The following LGALS3 variants were observed in gnomAD, a reference collection of about 807,000 sequenced individuals.
LGALS3 encodes galectin 3.
In LGALS3, 18 loss-of-function variants were observed where a neutral mutation model predicts 20.7. The ratio of observed to expected loss-of-function variants is 0.87; its 90% CI spans 0.60 to 1.29. The LOEUF (loss-of-function observed/expected upper bound fraction) is 1.29. LGALS3 is among the 50% of genes most tolerant of loss of function. The pLI, the probability that LGALS3 is intolerant of heterozygous loss-of-function variation, is 0.00. For synonymous variants in LGALS3, 112 were observed against 119.6 expected (o/e 0.94, Z 0.42); for missense variants, 315 against 314.7 (o/e 1.00, Z -0.01).
In LGALS3 at chr14:55,138,699, G is replaced by A. The variant is rs535779286; in HGVS notation, c.342+331G>A. ...TAATCTCATTTAACCCCATTACCAC[G>A]CTATAAGATACTGTTAATAACCCCA... On this transcript the variant is annotated intron_variant, in intron 3 of 5. Transcript: ENST00000254301. 1.5e-3 allele frequency among the ~76,000 whole-genome samples: 232 copies of A among 152,246 alleles called. 1 individual carries two copies. Among genetic ancestry groups the A allele is most frequent in the African/African-American group, 5.4e-3 (223 of 41,552 alleles).
chr14:55,144,982 ATTTT>A (rs926261195), intron 5 of LGALS3, 130 bp from the exon 6 acceptor site: 519 of 700,530 alleles, frequency 7.4e-4, no homozygotes, highest in Middle Eastern at 2.1e-3. Flanking sequence ...ATTAATGGAC[ATTTT>A]TTCCCTTTAT....
At position 55,129,684 on chromosome 14, in the gene LGALS3, C is replaced by A. The variant is rs1370124180; in HGVS notation, c.-5+384C>A. On this transcript the variant is annotated intron_variant, in intron 1 of 5. Coordinates refer to ENST00000254301, the MANE Select transcript of LGALS3 (RefSeq NM_002306.4). The surrounding 1 kb of genome is among the most constrained non-coding windows in gnomAD (Gnocchi z 5.3). ...CCGGTGACGAGCCGCAGTCTGGTCA[C>A]CCCAGTCCCACCAGGTCCCGCTGCG... Among the ~76,000 whole-genome samples the A allele has an allele frequency of 6.6e-6, 1 of 152,208 alleles. No homozygotes were observed. Among genetic ancestry groups the A allele is most frequent in the Non-Finnish European group, 1.5e-5 (1 of 68,032 alleles).
At position 55,134,078 on chromosome 14, in the gene LGALS3, T is replaced by C. The variant is rs190951264; in HGVS notation, c.-4-3292T>C. ...AATGTCTGAAGACATTTTGTTTTCCTTTTTTTGGTAGAGACTGGGGTTTTG... is the reference window on the plus strand; with the variant it reads ...AATGTCTGAAGACATTTTGTTTTCCCTTTTTTGGTAGAGACTGGGGTTTTG... On this transcript the variant is annotated intron_variant, in intron 1 of 5. Transcript: ENST00000254301. Among the ~76,000 whole-genome samples, 95 of 152,276 alleles carry C rather than the reference T, an allele frequency of 6.2e-4. 1 individual carries two copies. Among genetic ancestry groups the C allele is most frequent in the Middle Eastern group, 6.8e-3 (2 of 294 alleles).
chr14:55,142,716 G>T lies in LGALS3; in HGVS notation c.564G>T (p.Ser188=). The change falls in exon 5 of 6, where the codon TCG becomes TCT. Residue 188 remains serine, a synonymous_variant. Transcript: ENST00000254301. The part of the protein sequence containing the change: ...DNNWGREERQ[S]VFPFESGKPF... ...ACTGGGGAAGGGAAGAAAGACAGTC[G>T]GTTTTCCCATTTGAAAGTGGGAAAC... The T allele has an allele frequency of 8.1e-6, 13 of 1,613,460 alleles. No individual in the cohort carries two copies. Among genetic ancestry groups the T allele is most frequent in the Non-Finnish European group, 1.1e-5 (13 of 1,179,564 alleles).
chr14:55,130,229 G>A (rs1350795896), intron 1 of LGALS3, among the ~76,000 whole-genome samples: 1 of 152,200 alleles, frequency 6.6e-6, no homozygotes, highest in African/African-American at 2.4e-5. Context: ...ACACTAAAAC[G>A]ATTGCCCTCT....
chr14:55,140,388 C>T, intron 4 of LGALS3, 25 bp downstream of exon 4: 3 of 1,469,964 alleles, frequency 2.0e-6, no homozygotes, highest in Non-Finnish European at 2.8e-6. Context: ...ATTAACAAGT[C>T]TACTCTATTT....
At position 55,129,667 on chromosome 14, in the gene LGALS3, G is replaced by C. The variant is rs1055174088; in HGVS notation, c.-5+367G>C. Among the ~76,000 whole-genome samples the C allele has an allele frequency of 6.6e-6, 1 of 152,202 alleles. No individual in the cohort carries two copies. Among genetic ancestry groups the C allele is most frequent in the Non-Finnish European group, 1.5e-5 (1 of 68,030 alleles). On this transcript the variant is annotated intron_variant, in intron 1 of 5. Coordinates refer to ENST00000254301, the MANE Select transcript of LGALS3 (RefSeq NM_002306.4). This position sits in a 1 kb window ranked among gnomAD's most constrained non-coding sequence, Gnocchi z 5.3. The stretch of plus-strand genomic sequence containing the variant: ...CCCAGAGTAAGCCCCATCCGGTGAC[G>C]AGCCGCAGTCTGGTCACCCCAGTCC...
chr14:55,143,173 T>C (rs1026241482), intron 5 of LGALS3, among the ~76,000 whole-genome samples: 4 of 152,226 alleles, frequency 2.6e-5, no homozygotes, highest in Admixed American at 2.6e-4. Context: ...CAAAGTTTCC[T>C]ATCTTTTACT....
intron 1 of LGALS3, among the ~76,000 whole-genome samples, chr14:55,135,154 TA>T (rs879803763): frequency 1.5e-3 from 212 of 141,234 alleles, no homozygotes; most frequent in Admixed American, 1.6e-3. Flanking sequence ...AGACCCTGTC[TA>T]AAAAAAAAAA....
At chr14:55,136,531 T>TA (rs1477315830) in intron 1 of LGALS3, among the ~76,000 whole-genome samples, 1 of 152,160 alleles carries the variant, frequency 6.6e-6, no homozygotes, top group Non-Finnish European at 1.5e-5. Context: ...TTTTAATTCT[T>TA]AATCTTTATG....
Position 55,140,324 on chromosome 14 carries a change from TGA to T in LGALS3, c.393_394del (p.Ile132AsnfsTer22). 1.2e-6 allele frequency: 2 copies of T among 1,613,778 alleles called. No individual in the cohort carries two copies. The highest frequency in any genetic ancestry group is 1.7e-6 in the Non-Finnish European group (2 of 1,179,808). ...CCTGGGGGAGTGGTGCCTCGCATGC[TGA>T]TAACAATTCTGGGCACGGTGAAGCC... On this transcript the variant is annotated frameshift_variant, in exon 4 of 6. Coordinates refer to ENST00000254301, the MANE Select transcript of LGALS3 (RefSeq NM_002306.4). LOFTEE classifies it high-confidence loss of function.
chr14:55,144,651 C>T (rs1881750711), intron 5 of LGALS3, among the ~76,000 whole-genome samples: 1 of 152,212 alleles, frequency 6.6e-6, no homozygotes, highest in Admixed American at 6.5e-5. Flanking sequence ...TCAAGCTCCG[C>T]CTCCTGGGTT....
At position 55,137,391 on chromosome 14, in the gene LGALS3, GGTAA is replaced by G. The variant is rs745877914; in HGVS notation, c.18+3_18+6del. 114 of 1,613,984 alleles carry G rather than the reference GGTAA, an allele frequency of 7.1e-5. No homozygotes were observed. The highest frequency in any genetic ancestry group is 2.5e-4 in the Admixed American group (15 of 60,000). The stretch of plus-strand genomic sequence containing the variant: ...TCAGGAAAATGGCAGACAATTTTTC[GGTAA>G]GTGTTTTATGCCTGTTTCTTCCCCT... On this transcript the variant is annotated splice_donor_variant and splice_donor_region_variant and intron_variant, in intron 2 of 5. Coordinates refer to ENST00000254301, the MANE Select transcript of LGALS3 (RefSeq NM_002306.4). LOFTEE classifies it high-confidence loss of function.
At chr14:55,143,485 G>T (rs189994172) in intron 5 of LGALS3, 2 of 332,324 alleles carry the variant, frequency 6.0e-6, no homozygotes, top group Non-Finnish European at 1.2e-5. Context: ...ACAGTGGCAC[G>T]ATCTTGGCTC....
chr14:55,132,989 C>T (rs566898520), intron 1 of LGALS3, among the ~76,000 whole-genome samples: 4 of 152,294 alleles, frequency 2.6e-5, no homozygotes, highest in Admixed American at 2.0e-4. Flanking sequence ...TACAAAATGG[C>T]ATTCTTGTAT....
At chr14:55,137,136 C>G in intron 1 of LGALS3, 1 of 595,274 alleles carries the variant, frequency 1.7e-6, no homozygotes, top group Non-Finnish European at 3.0e-6. Context: ...GGGTAAGATT[C>G]AGAGCACAGG....
intron 5 of LGALS3, among the ~76,000 whole-genome samples, chr14:55,143,237 C>A (rs2075603): frequency 0.36 from 54,176 of 152,000 alleles, 10,229 homozygotes; most frequent in Non-Finnish European, 0.41. Context: ...CCAGTATTTT[C>A]TGACATACAG....
At chr14:55,135,560 G>GGTTTTTTTTT in intron 1 of LGALS3, among the ~76,000 whole-genome samples, 1 of 106,566 alleles carries the variant, frequency 9.4e-6, no homozygotes, top group East Asian at 3.1e-4. Flanking sequence ...ATATTTTATG[G>GGTTTTTTTTT]TTTTTTTTTT....
intron 4 of LGALS3, among the ~76,000 whole-genome samples, chr14:55,141,948 A>C (rs532995814): frequency 6.6e-6 from 1 of 152,356 alleles, no homozygotes; most frequent in South Asian, 2.1e-4. Flanking sequence ...ATTAACCTCC[A>C]GGGAGAAGGA....
Sources: allele counts gnomAD v4.1 joint callset (sites outside exome capture counted in the v4.1 genomes callset), GRCh38; gene constraint gnomAD v4.1.1; non-coding constraint Gnocchi (gnomAD v3.1); transcripts MANE v1.5; gene names NCBI Gene and HGNC (gene_info 2026-07-23, HGNC 2026-07-21).